Variants in DPP6 observed in about 807,000 individuals in gnomAD.
DPP6 encodes the protein A-type potassium channel modulatory protein DPP6.
A neutral mutation model predicts 122.6 loss-of-function variants in DPP6; 69 were observed. The ratio of observed to expected loss-of-function variants is 0.56; its 90% CI spans 0.46 to 0.69. The LOEUF is 0.69. Among genes scored for constraint, DPP6 ranks in the 30% least tolerant of loss-of-function variants. DPP6 has a pLI of 0.00. For synonymous variants in DPP6, 418 were observed against 433.1 expected (o/e 0.97, Z 0.43); for missense variants, 928 against 1,116.9 (o/e 0.83, Z 2.41).
intron 5 of DPP6, among the ~76,000 whole-genome samples, chr7:154,585,765 C>G (rs1353009248): frequency 6.6e-6 from 1 of 152,156 alleles, no homozygotes; most frequent in Non-Finnish European, 1.5e-5. Context: ...ATGCACCCAT[C>G]CTTTTCTTTC....
At chr7:154,428,230 C>G (rs377179707) in intron 1 of DPP6, among the ~76,000 whole-genome samples, 16 of 152,208 alleles carry the variant, frequency 1.1e-4, no homozygotes, top group African/African-American at 3.6e-4. Flanking sequence ...TTTTAAAAAA[C>G]CTTGAAAAGT....
intron 5 of DPP6, among the ~76,000 whole-genome samples, chr7:154,634,072 A>G (rs1835571610): frequency 6.8e-6 from 1 of 147,184 alleles, no homozygotes; most frequent in African/African-American, 2.5e-5. Flanking sequence ...GCAGGTTTAT[A>G]TCATATGTAT....
intron 1 of DPP6, among the ~76,000 whole-genome samples, chr7:154,310,675 G>C (rs562949933): frequency 6.6e-6 from 1 of 152,200 alleles, no homozygotes; most frequent in African/African-American, 2.4e-5. Context: ...TGGAGAACAC[G>C]TGAGGGCTGG....
chr7:153,797,497 G>A, the DPP6 span, among the ~76,000 whole-genome samples: 65,862 of 151,898 alleles, frequency 0.43, 14,549 homozygotes, highest in South Asian at 0.54. Flanking sequence ...ATAATATACT[G>A]TAGGAGGAAG....
At chr7:153,831,315 C>G in the DPP6 span, among the ~76,000 whole-genome samples, 106 of 152,234 alleles carry the variant, frequency 7.0e-4, no homozygotes, top group African/African-American at 2.4e-3. Context: ...TCCACGTTTT[C>G]TATGACCTAT....
chr7:154,586,734 G>T (rs114335149), intron 5 of DPP6, among the ~76,000 whole-genome samples: 12 of 152,172 alleles, frequency 7.9e-5, no homozygotes, highest in Non-Finnish European at 1.6e-4. Context: ...GGCTTTGCTC[G>T]TGCTGTTTCC....
chr7:154,021,506 C>T (rs1243308713), intron 1 of DPP6, among the ~76,000 whole-genome samples: 1 of 152,154 alleles, frequency 6.6e-6, no homozygotes, highest in South Asian at 2.1e-4. Flanking sequence ...CTTCCAGAAT[C>T]CTTTCCAGCC....
At chr7:154,476,128 G>A (rs1024496442) in intron 3 of DPP6, among the ~76,000 whole-genome samples, 11 of 152,182 alleles carry the variant, frequency 7.2e-5, no homozygotes, top group Non-Finnish European at 4.4e-5. Context: ...CTGCTTAGGG[G>A]CAATCACTTT....
intron 3 of DPP6, among the ~76,000 whole-genome samples, chr7:154,502,431 T>C (rs376219968): frequency 1.4e-4 from 22 of 152,136 alleles, no homozygotes; most frequent in African/African-American, 5.3e-4. Flanking sequence ...GGGAGGAACT[T>C]AGTGGGAGGT....
At chr7:154,553,558 C>T (rs1003244451) in intron 4 of DPP6, among the ~76,000 whole-genome samples, 6 of 152,118 alleles carry the variant, frequency 3.9e-5, no homozygotes, top group Admixed American at 2.6e-4. Context: ...AGCTTCAGTA[C>T]TTTATTATTA....
intron 1 of DPP6, among the ~76,000 whole-genome samples, chr7:154,266,088 G>C (rs1376129654): frequency 1.3e-5 from 2 of 152,094 alleles, no homozygotes; most frequent in Non-Finnish European, 2.9e-5. Flanking sequence ...TCTATGATGA[G>C]ATTTCTCTCA....
At chr7:153,986,562 GGGACCAGA>G (rs1394406928) in intron 1 of DPP6, among the ~76,000 whole-genome samples, 2 of 152,160 alleles carry the variant, frequency 1.3e-5, no homozygotes, top group East Asian at 3.9e-4. Context: ...CATGCAAGTA[GGGACCAGA>G]GGACCATGAA....
chr7:154,513,493 G>A (rs985573301), intron 3 of DPP6, among the ~76,000 whole-genome samples: 2 of 152,146 alleles, frequency 1.3e-5, no homozygotes, highest in Middle Eastern at 3.2e-3. Flanking sequence ...TGGATAAGTG[G>A]ATAACAATCT....
At chr7:154,752,961 G>A (rs1442793929) in intron 8 of DPP6, among the ~76,000 whole-genome samples, 1 of 152,152 alleles carries the variant, frequency 6.6e-6, no homozygotes, top group Non-Finnish European at 1.5e-5. Context: ...TGTGTGCCAT[G>A]CCCTGTGCGG....
At chr7:154,660,676 A>G (rs1837600828) in intron 6 of DPP6, among the ~76,000 whole-genome samples, 1 of 131,020 alleles carries the variant, frequency 7.6e-6, no homozygotes, top group African/African-American at 3.3e-5. Flanking sequence ...CGTAGTATTC[A>G]TATAGTCATG....
At chr7:154,562,893 T>G (rs1830516102) in intron 4 of DPP6, among the ~76,000 whole-genome samples, 1 of 152,116 alleles carries the variant, frequency 6.6e-6, no homozygotes, top group African/African-American at 2.4e-5. Flanking sequence ...ATGGGCAAAA[T>G]CTGTATTCTG....
At chr7:154,041,696 A>C (rs1361461833) in intron 1 of DPP6, among the ~76,000 whole-genome samples, 10 of 152,106 alleles carry the variant, frequency 6.6e-5, no homozygotes, top group South Asian at 2.1e-4. Context: ...CCTGCATGCT[A>C]TCAGGGCTCA....
chr7:154,866,480 C>T (rs1173374516), intron 17 of DPP6, among the ~76,000 whole-genome samples: 1 of 152,184 alleles, frequency 6.6e-6, no homozygotes, highest in Non-Finnish European at 1.5e-5. Context: ...AGGGAGAGTG[C>T]GCCACCTCTG....
At chr7:154,111,288 G>C (rs1275955333) in intron 1 of DPP6, among the ~76,000 whole-genome samples, 3 of 152,236 alleles carry the variant, frequency 2.0e-5, no homozygotes, top group African/African-American at 7.2e-5. Context: ...GCACAGGCTG[G>C]ATTGGGTGGT....
Sources: allele counts gnomAD v4.1 joint callset (sites outside exome capture counted in the v4.1 genomes callset), GRCh38; gene constraint gnomAD v4.1.1; transcripts MANE v1.5; gene names NCBI Gene and HGNC (gene_info 2026-07-23, HGNC 2026-07-21).